Variants in SOX5 observed in about 807,000 individuals in gnomAD.
The protein encoded by SOX5 is SRY-box transcription factor 5, also known as transcription factor SOX-5.
A neutral mutation model predicts 92.0 loss-of-function variants in SOX5; 9 were observed. The observed-to-expected ratio is 0.10, with a 90% confidence interval of 0.06 to 0.17. SOX5 has a LOEUF of 0.17. Ranked by LOEUF, SOX5 falls within the 10% of genes least tolerant of loss-of-function variation. The probability of loss-of-function intolerance (pLI) is 1.00; values close to 1 mark genes in which losing one functional copy is unlikely to be tolerated. For synonymous variants in SOX5, 344 were observed against 336.3 expected (o/e 1.02, Z -0.25); for missense variants, 642 against 944.5 (o/e 0.68, Z 4.20).
chr12:24,254,638 G>GT (rs1454813846), intron 3 of SOX5, among the ~76,000 whole-genome samples: 1 of 151,716 alleles, frequency 6.6e-6, no homozygotes, highest in Non-Finnish European at 1.5e-5. Flanking sequence ...TGTATCACTT[G>GT]GGTTATCAAG....
chr12:24,490,589 G>GA lies in SOX5; in HGVS notation c.-251+71739dup, dbSNP rs376331581. Among the ~76,000 whole-genome samples, 498 of 148,094 alleles carry GA rather than the reference G, an allele frequency of 3.4e-3. 2 individuals are homozygous for GA. Among genetic ancestry groups the GA allele is most frequent in the Non-Finnish European group, 5.2e-3 (348 of 66,742 alleles). On this transcript the variant is annotated intron_variant, in intron 1 of 4. Coordinates refer to the SOX5 transcript ENST00000446891. ...TTTCCACTTACACAGGAAAATTCAG[G>GA]AAAAAAAAAATGGTTACATGGGCAG...
intron 3 of SOX5, among the ~76,000 whole-genome samples, chr12:23,785,273 A>T (rs1224624813): frequency 8.5e-5 from 13 of 152,120 alleles, no homozygotes; most frequent in Non-Finnish European, 1.5e-4. Flanking sequence ...ATTACTTTAA[A>T]ATTAGTCTTG....
chr12:24,267,219 C>T (rs1943136945), intron 3 of SOX5, among the ~76,000 whole-genome samples: 1 of 152,116 alleles, frequency 6.6e-6, no homozygotes, highest in Admixed American at 6.6e-5. Flanking sequence ...GAGCAAGACC[C>T]TGTCTCAAAA....
At chr12:24,167,408 T>A (rs1953541334) in intron 4 of SOX5, among the ~76,000 whole-genome samples, 3 of 152,184 alleles carry the variant, frequency 2.0e-5, no homozygotes, top group Non-Finnish European at 2.9e-5. Context: ...ATAGAACTAG[T>A]GGCCTGTGGA....
intron 1 of SOX5, among the ~76,000 whole-genome samples, chr12:24,466,498 T>C (rs1362957475): frequency 6.6e-6 from 1 of 152,218 alleles, no homozygotes; most frequent in African/African-American, 2.4e-5. Context: ...TCCATGGATA[T>C]TGGCACAGAC....
chr12:24,335,142 T>C (rs1951746834), intron 2 of SOX5, among the ~76,000 whole-genome samples: 1 of 152,182 alleles, frequency 6.6e-6, no homozygotes, highest in Admixed American at 6.5e-5. Flanking sequence ...CAAACCACAA[T>C]GAACTCCTTA....
At chr12:23,885,515 TG>T (rs2097054479) in intron 2 of SOX5, among the ~76,000 whole-genome samples, 1 of 152,164 alleles carries the variant, frequency 6.6e-6, no homozygotes, top group African/African-American at 2.4e-5. Context: ...CTCTATATAA[TG>T]ATAACATTGT....
intron 3 of SOX5, among the ~76,000 whole-genome samples, chr12:24,229,028 T>C (rs1398191017): frequency 6.6e-6 from 1 of 152,188 alleles, no homozygotes; most frequent in Non-Finnish European, 1.5e-5. Flanking sequence ...AATTTCTCGT[T>C]TTAAAACTTA....
chr12:23,827,635 G>A lies in SOX5; in HGVS notation c.481+18348C>T, dbSNP rs140915495. 2.2e-3 allele frequency among the ~76,000 whole-genome samples: 334 copies of A among 152,290 alleles called. 2 individuals carry two copies. Among genetic ancestry groups the A allele is most frequent in the African/African-American group, 7.7e-3 (321 of 41,556 alleles). On this transcript the variant is annotated intron_variant, in intron 3 of 14. Transcript: ENST00000451604. ...AACAGAGGAGGGTTTCGATGTTGCT[G>A]TCAGGTACCAGACAGTTGCTTGGCA...
intron 1 of SOX5, among the ~76,000 whole-genome samples, chr12:24,430,080 A>G (rs894674012): frequency 3.9e-5 from 6 of 152,226 alleles, no homozygotes; most frequent in African/African-American, 1.4e-4. Flanking sequence ...TGAAAATCTT[A>G]GGGGTATAAT....
intron 7 of SOX5, among the ~76,000 whole-genome samples, chr12:23,650,696 C>G (rs765924100): frequency 6.6e-6 from 1 of 152,060 alleles, no homozygotes; most frequent in African/African-American, 2.4e-5. Context: ...GTTTCATTAC[C>G]CCCAGTGTTT....
At chr12:23,938,796 C>T (rs1164700388) in intron 1 of SOX5, among the ~76,000 whole-genome samples, 1 of 150,850 alleles carries the variant, frequency 6.6e-6, no homozygotes, top group East Asian at 1.9e-4. Context: ...GTACACGTTA[C>T]CTGGGATCAA....
intron 3 of SOX5, among the ~76,000 whole-genome samples, chr12:23,843,633 G>A (rs1268463420): frequency 1.7e-5 from 2 of 116,470 alleles, no homozygotes; most frequent in African/African-American, 3.4e-5. Context: ...GCCCAATCTT[G>A]GCTCACTGCA....
At chr12:23,591,844 T>C (rs1235722242) in intron 9 of SOX5, among the ~76,000 whole-genome samples, 2 of 152,184 alleles carry the variant, frequency 1.3e-5, no homozygotes, top group Non-Finnish European at 2.9e-5. Context: ...CAACAGTATT[T>C]TTTTTCTTAT....
intron 2 of SOX5, among the ~76,000 whole-genome samples, chr12:23,874,413 C>A (rs938163827): frequency 3.9e-5 from 6 of 152,126 alleles, no homozygotes; most frequent in African/African-American, 1.2e-4. Flanking sequence ...ACCACCGCAA[C>A]CTTGGTGCTC....
chr12:24,050,573 T>A (rs1957468561), intron 4 of SOX5, among the ~76,000 whole-genome samples: 1 of 152,224 alleles, frequency 6.6e-6, no homozygotes, highest in South Asian at 2.1e-4. Flanking sequence ...TTATTTTCTA[T>A]GAAAAGGTCA....
At chr12:23,646,132 G>A (rs1030081991) in intron 7 of SOX5, among the ~76,000 whole-genome samples, 3 of 152,100 alleles carry the variant, frequency 2.0e-5, no homozygotes, top group African/African-American at 7.2e-5. Flanking sequence ...CAGGATGGTG[G>A]CTGTTGAAGG....
At chr12:23,929,899 TA>T (rs1332955420) in intron 1 of SOX5, among the ~76,000 whole-genome samples, 1 of 151,916 alleles carries the variant, frequency 6.6e-6, no homozygotes, top group Non-Finnish European at 1.5e-5. Flanking sequence ...AACAACAGTT[TA>T]ATCAAATTAA....
chr12:24,209,388 T>G (rs905782328), intron 4 of SOX5, among the ~76,000 whole-genome samples: 3 of 152,202 alleles, frequency 2.0e-5, no homozygotes, highest in Admixed American at 2.0e-4. Flanking sequence ...ATGATAAAAA[T>G]GATTCTTATT....
Sources: allele counts gnomAD v4.1 joint callset (sites outside exome capture counted in the v4.1 genomes callset), GRCh38; gene constraint gnomAD v4.1.1; transcripts MANE v1.5; gene names NCBI Gene and HGNC (gene_info 2026-07-23, HGNC 2026-07-21).